Variants in POLE2 observed in about 807,000 individuals in gnomAD.
POLE2 encodes the protein DNA polymerase epsilon subunit 2.
In POLE2, 56 loss-of-function variants were observed where a neutral mutation model predicts 79.4. That is an observed-to-expected ratio of 0.71 (90% confidence interval 0.57 to 0.88). The LOEUF (loss-of-function observed/expected upper bound fraction) is 0.88. POLE2 is among the 40% of genes least tolerant of loss of function. The pLI is 0.00. For missense variants in POLE2, 598 were observed against 638.9 expected, an observed-to-expected ratio of 0.94 and a Z score of 0.69; for synonymous variants, 212 against 214.0, an observed-to-expected ratio of 0.99 and a Z score of 0.08.
intron 13 of POLE2, 43 bp downstream of exon 13, chr14:49,654,741 T>A (rs1884524519): frequency 1.2e-5 from 18 of 1,470,350 alleles, no homozygotes; most frequent in Non-Finnish European, 1.6e-5. Context: ...GTTTTTTTTT[T>A]AAGTAAAACG....
At chr14:49,676,743 G>A (rs1175148225) in intron 3 of POLE2, among the ~76,000 whole-genome samples, 1 of 152,232 alleles carries the variant, frequency 6.6e-6, no homozygotes, top group Non-Finnish European at 1.5e-5. Context: ...ACAGGTGTGG[G>A]AGCAGGAGCT....
intron 5 of POLE2, among the ~76,000 whole-genome samples, chr14:49,672,904 C>G (rs1886001921): frequency 6.6e-6 from 1 of 152,182 alleles, no homozygotes; most frequent in Admixed American, 6.5e-5. Flanking sequence ...GCTACCAACT[C>G]TCTTTCCATA....
At chr14:49,676,456 C>T (rs1886281039) in intron 3 of POLE2, among the ~76,000 whole-genome samples, 2 of 152,218 alleles carry the variant, frequency 1.3e-5, no homozygotes, top group African/African-American at 4.8e-5. Flanking sequence ...TATTGAACTT[C>T]TCATGCCATC....
At position 49,683,718 on chromosome 14, in the gene POLE2, G is replaced by A. The variant is rs771951125; in HGVS notation, c.69-25C>T. On this transcript the variant is annotated intron_variant, in intron 1 of 18. Coordinates refer to ENST00000216367, the MANE Select transcript of POLE2 (RefSeq NM_002692.4). Reference sequence around the variant, plus strand: ...ACTAAGAAAAGGAAAGGAAAAATGAGGCAGGTCATTAGTAATTAAAGGCTA... The same window carrying A: ...ACTAAGAAAAGGAAAGGAAAAATGAAGCAGGTCATTAGTAATTAAAGGCTA... 3 of 1,202,262 alleles carry A rather than the reference G, an allele frequency of 2.5e-6. No individual in the cohort carries two copies. In the East Asian group the frequency reaches 7.0e-5, roughly 28 times the overall value. 74.5% of individuals were successfully genotyped at this position (1,202,262 alleles called of 1,614,324 possible).
At chr14:49,669,395 C>A (rs1051524152) in intron 6 of POLE2, 129 bp downstream of exon 6, 18 of 592,360 alleles carry the variant, frequency 3.0e-5, no homozygotes, top group African/African-American at 3.0e-4. Flanking sequence ...AGTGGGCATG[C>A]AGCCCATCCA....
chr14:49,653,718 T>A (rs550138816), intron 15 of POLE2, among the ~76,000 whole-genome samples: 2 of 152,240 alleles, frequency 1.3e-5, no homozygotes, highest in African/African-American at 4.8e-5. Flanking sequence ...TAGTGCATTC[T>A]CAGCTCACAG....
intron 10 of POLE2, among the ~76,000 whole-genome samples, chr14:49,659,323 A>G (rs560230397): frequency 6.6e-6 from 1 of 152,012 alleles, no homozygotes; most frequent in East Asian, 1.9e-4. Context: ...AGGAACACTT[A>G]TGTCCAGGAA....
intron 15 of POLE2, among the ~76,000 whole-genome samples, chr14:49,652,789 GTAA>G (rs761338950): frequency 1.9e-4 from 29 of 152,092 alleles, no homozygotes; most frequent in South Asian, 1.5e-3. Flanking sequence ...ATATTATAAT[GTAA>G]TAATAATAGA....
At chr14:49,646,254 A>G (rs1337346609) in intron 18 of POLE2, among the ~76,000 whole-genome samples, 2 of 151,276 alleles carry the variant, frequency 1.3e-5, no homozygotes, top group East Asian at 3.9e-4. Context: ...ATTCTCTGAC[A>G]ATAACCTGGA....
chr14:49,654,496 A>G lies in POLE2; in HGVS notation c.1074-282T>C, dbSNP rs949557908. ...AATTTAATTAAACTTAGATTTAAAG[A>G]GACATGTGGCCAGTGACTATCATAT... On this transcript the variant is annotated intron_variant, in intron 13 of 18. Transcript: ENST00000216367. 2.0e-5 allele frequency: 9 copies of G among 456,278 alleles called. No individual in the cohort carries two copies. The Admixed American group carries it at 3.7e-4, about 19-fold the overall frequency. 28.3% of individuals were successfully genotyped at this position (456,278 alleles called of 1,614,324 possible).
intron 6 of POLE2, among the ~76,000 whole-genome samples, chr14:49,668,348 C>A (rs1283040653): frequency 6.6e-6 from 1 of 150,994 alleles, no homozygotes; most frequent in Non-Finnish European, 1.5e-5. Context: ...AGTAGTGGTG[C>A]ACACCTATTG....
chr14:49,657,574 G>A (rs1884787601), intron 10 of POLE2, among the ~76,000 whole-genome samples: 1 of 151,968 alleles, frequency 6.6e-6, no homozygotes, highest in Admixed American at 6.6e-5. Context: ...CTGAGTAGCT[G>A]GGATTACAGG....
At position 49,679,805 on chromosome 14, in the gene POLE2, A is replaced by G; in HGVS notation, c.170-5T>C. The stretch of plus-strand genomic sequence containing the variant: ...GTTCAATCATGTTTGATGACACTGA[A>G]AAGAGAATTTCAAAGTCAAAATTTA... On this transcript the variant is annotated splice_region_variant and splice_polypyrimidine_tract_variant and intron_variant, in intron 2 of 18. Coordinates refer to ENST00000216367, the MANE Select transcript of POLE2 (RefSeq NM_002692.4). The G allele has an allele frequency of 1.3e-6, 2 of 1,558,574 alleles. No homozygotes were observed. The highest frequency in any genetic ancestry group is 1.8e-6 in the Non-Finnish European group (2 of 1,135,746).
chr14:49,664,062 AT>A (rs1885291571), intron 9 of POLE2, among the ~76,000 whole-genome samples: 1 of 139,258 alleles, frequency 7.2e-6, no homozygotes, highest in African/African-American at 2.7e-5. Context: ...AAAGTATATA[AT>A]TCAGGCCGGG....
chr14:49,660,827 G>A (rs984509213), intron 10 of POLE2, among the ~76,000 whole-genome samples: 1 of 152,200 alleles, frequency 6.6e-6, no homozygotes, highest in Non-Finnish European at 1.5e-5. Context: ...GGAAGTAGAG[G>A]TTGTGGTGAG....
intron 18 of POLE2, among the ~76,000 whole-genome samples, chr14:49,645,773 G>C (rs1324294586): frequency 1.3e-5 from 2 of 152,196 alleles, no homozygotes; most frequent in Non-Finnish European, 2.9e-5. Context: ...TGGGACTACA[G>C]GTGTGGGCCA....
intron 1 of POLE2, among the ~76,000 whole-genome samples, chr14:49,686,684 C>T (rs1198593572): frequency 6.6e-6 from 1 of 152,170 alleles, no homozygotes; most frequent in Admixed American, 6.5e-5. Context: ...ACCCCCTTAC[C>T]CCAGCACGGT....
intron 13 of POLE2, 137 bp downstream of exon 13, chr14:49,654,647 A>C (rs1466575252): frequency 4.0e-6 from 4 of 1,010,328 alleles, no homozygotes; most frequent in Non-Finnish European, 5.5e-6. Flanking sequence ...GGATAACTTT[A>C]TCTCTTAGTT....
chr14:49,678,981 T>C (rs1886506388), intron 3 of POLE2, among the ~76,000 whole-genome samples: 1 of 152,168 alleles, frequency 6.6e-6, no homozygotes, highest in Non-Finnish European at 1.5e-5. Flanking sequence ...TAAATGAGTT[T>C]GCAAGGGTAA....
Sources: allele counts gnomAD v4.1 joint callset (sites outside exome capture counted in the v4.1 genomes callset), GRCh38; gene constraint gnomAD v4.1.1; transcripts MANE v1.5; gene names NCBI Gene and HGNC (gene_info 2026-07-23, HGNC 2026-07-21).